TMPRSS9: variants seen among roughly 807,000 people sequenced by gnomAD.
TMPRSS9 encodes transmembrane protease serine 9.
Under a neutral mutation model 111.4 loss-of-function variants are expected in TMPRSS9, and 113 were observed. The ratio of observed to expected loss-of-function variants is 1.01; its 90% confidence interval spans 0.87 to 1.19. The LOEUF is 1.19. Among genes scored for constraint, TMPRSS9 ranks in the 50% most tolerant of loss-of-function variants. TMPRSS9 has a pLI of 0.00. For missense variants in TMPRSS9, 1,803 were observed against 1,513.1 expected, an observed-to-expected ratio of 1.19 and a Z score of -3.18; for synonymous variants, 805 against 659.1, an observed-to-expected ratio of 1.22 and a Z score of -3.39.
chr19:2,408,404 C>T, exon 8 of TMPRSS9: 2 of 1,613,860 alleles, frequency 1.2e-6, no homozygotes, highest in Non-Finnish European at 1.7e-6. Context: ...CGACCTACCT[C>T]AGCGGCTCGG....
At chr19:2,362,781 T>TGGTGGAGTGA (rs1259722846) in intron 1 of TMPRSS9, among the ~76,000 whole-genome samples, 1 of 151,942 alleles carries the variant, frequency 6.6e-6, no homozygotes, top group Non-Finnish European at 1.5e-5. Context: ...AATTTGTGGA[T>TGGTGGAGTGA]GGTGGAGTGA....
chr19:2,414,848 C>T (rs1971187160), intron 10 of TMPRSS9, among the ~76,000 whole-genome samples: 1 of 148,662 alleles, frequency 6.7e-6, no homozygotes, highest in Non-Finnish European at 1.5e-5. Flanking sequence ...GCACTCCAGC[C>T]CGGGCAACAA....
At chr19:2,412,853 G>C (rs1352311965) in intron 9 of TMPRSS9, among the ~76,000 whole-genome samples, 1 of 152,124 alleles carries the variant, frequency 6.6e-6, no homozygotes, top group Admixed American at 6.6e-5. Context: ...ATTGAAACCA[G>C]AATCTGGAGA....
At chr19:2,420,690 C>G (rs1194794412) in intron 13 of TMPRSS9, among the ~76,000 whole-genome samples, 6 of 152,172 alleles carry the variant, frequency 3.9e-5, no homozygotes, top group Admixed American at 3.9e-4. Context: ...CTCTCTGGGA[C>G]TCTGATCCCC....
intron 1 of TMPRSS9, among the ~76,000 whole-genome samples, chr19:2,363,780 C>G (rs7255676): frequency 0.18 from 21,022 of 118,930 alleles, 1,759 homozygotes; most frequent in Middle Eastern, 0.3. Flanking sequence ...TCCAAGAACT[C>G]TGTGTGTGAG....
chr19:2,397,436 A>G (rs759425215), intron 2 of TMPRSS9, among the ~76,000 whole-genome samples: 2 of 152,052 alleles, frequency 1.3e-5, no homozygotes, highest in African/African-American at 2.4e-5. Context: ...GGTTACAGGC[A>G]CCCACCACCT....
Position 2,421,755 on chromosome 19 carries a change from C to T in TMPRSS9, c.2155-99C>T, listed in dbSNP as rs145785799. ...CGCTGTGCCCTCTGCCCCCCGCCCT[C>T]GATGGCTCCCACCCACTGTAGGAAC... On this transcript the variant is annotated intron_variant, in intron 13 of 17. Coordinates refer to ENST00000648592, the Ensembl canonical transcript of TMPRSS9. The T allele has an allele frequency of 3.0e-4, 416 of 1,390,352 alleles. 4 individuals carry two copies. The East Asian group carries it at 9.0e-3, about 30-fold the overall frequency. 86.1% of individuals were successfully genotyped at this position (1,390,352 alleles called of 1,614,324 possible).
intron 4 of TMPRSS9, among the ~76,000 whole-genome samples, chr19:2,400,694 C>A (rs1319040654): frequency 1.3e-5 from 2 of 152,024 alleles, no homozygotes; most frequent in South Asian, 2.1e-4. Flanking sequence ...AGATTTGTTG[C>A]CAGGTGTGGT....
chr19:2,400,739 C>T (rs995156318), intron 4 of TMPRSS9, among the ~76,000 whole-genome samples: 5 of 151,572 alleles, frequency 3.3e-5, no homozygotes, highest in Admixed American at 6.6e-5. Context: ...TTTGGGAGGC[C>T]GAGGTGGGTG....
intron 1 of TMPRSS9, among the ~76,000 whole-genome samples, chr19:2,364,959 A>G (rs1168273517): frequency 1.1e-4 from 17 of 149,584 alleles, no homozygotes; most frequent in Non-Finnish European, 4.4e-5. Flanking sequence ...AGCCTGGGCG[A>G]CGGAGCGAGA....
chr19:2,418,348 TCCC>T (rs1971325626), intron 13 of TMPRSS9, among the ~76,000 whole-genome samples: 2 of 26,356 alleles, frequency 7.6e-5, no homozygotes, highest in African/African-American at 6.7e-4. Context: ...TCCCTCCCTT[TCCC>T]TCCCTCCCTC....
At chr19:2,371,649 A>G (rs1320529469) in intron 1 of TMPRSS9, among the ~76,000 whole-genome samples, 1 of 152,080 alleles carries the variant, frequency 6.6e-6, no homozygotes, top group East Asian at 1.9e-4. Flanking sequence ...GCGAGCCAAC[A>G]TCGTGCCACT....
chr19:2,363,112 G>C (rs759326825), intron 1 of TMPRSS9, among the ~76,000 whole-genome samples: 3 of 152,218 alleles, frequency 2.0e-5, no homozygotes, highest in Non-Finnish European at 4.4e-5. Flanking sequence ...ATGGGAGTCC[G>C]TGTGTGCCCC....
chr19:2,416,780 C>T, exon 12 of TMPRSS9: 1 of 1,611,774 alleles, frequency 6.2e-7, no homozygotes, highest in Non-Finnish European at 8.5e-7. Context: ...TGCATGATCT[C>T]CGGATGGGGA....
chr19:2,362,901 A>T (rs1401183810), intron 1 of TMPRSS9, among the ~76,000 whole-genome samples: 1 of 148,944 alleles, frequency 6.7e-6, no homozygotes, highest in Non-Finnish European at 1.5e-5. Flanking sequence ...TGGTTGTGTG[A>T]GGTTGTGTGT....
intron 1 of TMPRSS9, among the ~76,000 whole-genome samples, chr19:2,368,652 C>G (rs889134055): frequency 3.9e-5 from 6 of 152,018 alleles, no homozygotes; most frequent in Non-Finnish European, 4.4e-5. Context: ...TGGGCGATGC[C>G]CTGCTTAGAC....
At chr19:2,379,121 C>G (rs995067258) in intron 1 of TMPRSS9, among the ~76,000 whole-genome samples, 2 of 150,572 alleles carry the variant, frequency 1.3e-5, no homozygotes, top group Non-Finnish European at 2.9e-5. Context: ...TCTAAATGTG[C>G]TTGATGTGGA....
At chr19:2,406,843 C>T (rs550480072) in intron 7 of TMPRSS9, among the ~76,000 whole-genome samples, 1 of 150,794 alleles carries the variant, frequency 6.6e-6, no homozygotes, top group East Asian at 2.0e-4. Flanking sequence ...CTCTGTCGCC[C>T]TGCTGGAGTA....
At chr19:2,425,838 C>A in intron 17 of TMPRSS9, 89 bp from the exon 19 acceptor site, 1 of 1,468,062 alleles carries the variant, frequency 6.8e-7, no homozygotes, top group South Asian at 1.4e-5. Flanking sequence ...GGGGAAGTCA[C>A]TAGGGTCACT....
Sources: gnomAD v4.1 joint callset for allele counts (sites outside exome capture counted in the v4.1 genomes callset) on GRCh38, gnomAD v4.1.1 for gene constraint, MANE v1.5 for transcripts, NCBI Gene and HGNC (gene_info 2026-07-23, HGNC 2026-07-21) for gene names.